Variants in CNTNAP5 observed in about 807,000 individuals in gnomAD.
The protein encoded by CNTNAP5 is contactin-associated protein-like 5.
Under a neutral mutation model 150.2 loss-of-function variants are expected in CNTNAP5, and 72 were observed. That is an observed-to-expected ratio of 0.48 (90% confidence interval 0.40 to 0.58). The LOEUF (loss-of-function observed/expected upper bound fraction) is 0.58. Ranked by LOEUF, CNTNAP5 falls within the 20% of genes least tolerant of loss-of-function variation. CNTNAP5 has a pLI of 0.00. For missense variants in CNTNAP5, 1,636 were observed against 1,626.2 expected (o/e 1.01, Z -0.10); for synonymous variants, 672 against 619.8 (o/e 1.08, Z -1.25).
At chr2:124,566,761 A>T (rs2104934509) in intron 11 of CNTNAP5, among the ~76,000 whole-genome samples, 1 of 152,280 alleles carries the variant, frequency 6.6e-6, no homozygotes, top group Middle Eastern at 3.4e-3. Flanking sequence ...TTGAATGAGG[A>T]CCATTGTTTT....
chr2:124,124,935 A>G (rs1683650933), intron 1 of CNTNAP5, among the ~76,000 whole-genome samples: 2 of 152,234 alleles, frequency 1.3e-5, no homozygotes, highest in East Asian at 3.8e-4. Context: ...GAAAGGAACA[A>G]CCAGTATGAG....
intron 19 of CNTNAP5, among the ~76,000 whole-genome samples, chr2:124,808,994 A>G (rs73955834): frequency 0.044 from 6,680 of 150,798 alleles, 462 homozygotes; most frequent in African/African-American, 0.15. Flanking sequence ...TTTTTTCTCT[A>G]TACTGGAGAT....
chr2:124,442,227 G>A lies in CNTNAP5; in HGVS notation c.734-4526G>A, dbSNP rs73952971. On this transcript the variant is annotated intron_variant, in intron 5 of 23. Coordinates refer to ENST00000682447, the MANE Select transcript of CNTNAP5 (RefSeq NM_001367498.1). ...GTTACTGATGCTAGCTCTGCTTCCC[G>A]CAGTGGAGATGTTCCTGCCCATTGA... Among the ~76,000 whole-genome samples the A allele has an allele frequency of 2.7e-3, 404 of 152,186 alleles. 4 individuals are homozygous for A. The highest frequency in any genetic ancestry group is 9.0e-3 in the African/African-American group (375 of 41,556).
chr2:124,825,555 G>C (rs1297023912), intron 19 of CNTNAP5, among the ~76,000 whole-genome samples: 1 of 152,164 alleles, frequency 6.6e-6, no homozygotes, highest in Non-Finnish European at 1.5e-5. Flanking sequence ...AGAATCTTCA[G>C]GGTGAGAAAT....
At chr2:124,156,516 TAC>T (rs1431099664) in intron 1 of CNTNAP5, among the ~76,000 whole-genome samples, 3 of 152,166 alleles carry the variant, frequency 2.0e-5, no homozygotes, top group African/African-American at 4.8e-5. Flanking sequence ...TTTTTTTTGA[TAC>T]AGAGTCTCTC....
chr2:124,277,193 T>C (rs1486299450), intron 3 of CNTNAP5, among the ~76,000 whole-genome samples: 1 of 152,184 alleles, frequency 6.6e-6, no homozygotes, highest in Non-Finnish European at 1.5e-5. Context: ...TACTTTGACC[T>C]GGGGTTTGTT....
chr2:124,791,850 C>G (rs944425498), intron 18 of CNTNAP5, among the ~76,000 whole-genome samples: 5 of 152,046 alleles, frequency 3.3e-5, no homozygotes, highest in African/African-American at 9.7e-5. Flanking sequence ...CAAGTGTGTG[C>G]CTAGCCTTTT....
At chr2:124,490,534 A>G (rs917569174) in intron 7 of CNTNAP5, among the ~76,000 whole-genome samples, 1 of 152,170 alleles carries the variant, frequency 6.6e-6, no homozygotes, top group South Asian at 2.1e-4. Flanking sequence ...TCAGTATATA[A>G]GAGTTCTTAT....
At chr2:124,665,300 T>C (rs559470694) in intron 13 of CNTNAP5, among the ~76,000 whole-genome samples, 13 of 152,320 alleles carry the variant, frequency 8.5e-5, no homozygotes, top group African/African-American at 3.1e-4. Context: ...TTTGTAACTC[T>C]ATTTATAGAT....
At chr2:124,445,256 A>T (rs1217256081) in intron 5 of CNTNAP5, among the ~76,000 whole-genome samples, 2 of 146,390 alleles carry the variant, frequency 1.4e-5, no homozygotes, top group African/African-American at 2.5e-5. Context: ...TGCCTGGCTA[A>T]TTTTTTTTTT....
chr2:124,285,513 G>A (rs1231567294), intron 3 of CNTNAP5, among the ~76,000 whole-genome samples: 1 of 152,048 alleles, frequency 6.6e-6, no homozygotes, highest in African/African-American at 2.4e-5. Flanking sequence ...GAAAACCCTG[G>A]ATGTGGCCTG....
At chr2:124,496,847 C>T (rs1322912956) in intron 7 of CNTNAP5, among the ~76,000 whole-genome samples, 1 of 152,198 alleles carries the variant, frequency 6.6e-6, no homozygotes, top group African/African-American at 2.4e-5. Flanking sequence ...CATGCATCCC[C>T]TTTCTCTGGC....
intron 19 of CNTNAP5, among the ~76,000 whole-genome samples, chr2:124,850,364 AGAGACACAGAGACAAATAG>A (rs1405112855): frequency 6.6e-6 from 1 of 152,210 alleles, no homozygotes; most frequent in Admixed American, 6.5e-5. Flanking sequence ...ATGTGGATAG[AGAGACACAGAGACAAATAG>A]GGACACACAG....
Position 124,362,065 on chromosome 2 carries a change from C to T in CNTNAP5, c.382-55378C>T, listed in dbSNP as rs1690221573. ...GCGCAATATTCGGGTGGGAGTGACC[C>T]GATTTTCCCGGTGCTGTCCGTCACC... On this transcript the variant is annotated intron_variant, in intron 3 of 23. Coordinates refer to ENST00000682447, the MANE Select transcript of CNTNAP5 (RefSeq NM_001367498.1). 2.0e-5 allele frequency among the ~76,000 whole-genome samples: 3 copies of T among 152,310 alleles called. No homozygotes were observed. In the South Asian group the frequency reaches 6.2e-4, roughly 32 times the overall value.
At chr2:124,901,293 T>C (rs1678408725) in intron 21 of CNTNAP5, among the ~76,000 whole-genome samples, 1 of 151,468 alleles carries the variant, frequency 6.6e-6, no homozygotes, top group Non-Finnish European at 1.5e-5. Context: ...AAAGAGGAAG[T>C]AAAGTTGCAA....
At position 124,755,827 on chromosome 2, in the gene CNTNAP5, A is replaced by G. The variant is rs141601234; in HGVS notation, c.2235-7845A>G. 8.3e-4 allele frequency among the ~76,000 whole-genome samples: 126 copies of G among 152,284 alleles called. 2 individuals carry two copies. In the East Asian group the frequency reaches 0.023, roughly 28 times the overall value. The stretch of plus-strand genomic sequence containing the variant: ...CCCAATTGTAGCTATTTTTGCTGGT[A>G]TCATTGTCATTTTCTGGATATAAAA... On this transcript the variant is annotated intron_variant, in intron 14 of 23. Coordinates refer to ENST00000682447, the MANE Select transcript of CNTNAP5 (RefSeq NM_001367498.1).
intron 1 of CNTNAP5, among the ~76,000 whole-genome samples, chr2:124,188,637 T>G (rs1685386900): frequency 7.0e-6 from 1 of 142,942 alleles, no homozygotes; most frequent in Non-Finnish European, 1.5e-5. Flanking sequence ...GAGAATGGCG[T>G]GAACCCAGGA....
chr2:124,532,807 A>G (rs1695140706), intron 10 of CNTNAP5, among the ~76,000 whole-genome samples: 1 of 152,202 alleles, frequency 6.6e-6, no homozygotes, highest in Non-Finnish European at 1.5e-5. Flanking sequence ...GAGTGCGAGA[A>G]AAATGAGAGT....
At chr2:124,866,101 A>G (rs1033370955) in intron 20 of CNTNAP5, among the ~76,000 whole-genome samples, 15 of 151,598 alleles carry the variant, frequency 9.9e-5, no homozygotes, top group African/African-American at 2.9e-4. Flanking sequence ...ATCAATACTA[A>G]AAAATACAAA....
Sources: gnomAD v4.1 joint callset for allele counts (sites outside exome capture counted in the v4.1 genomes callset) on GRCh38, gnomAD v4.1.1 for gene constraint, MANE v1.5 for transcripts, NCBI Gene and HGNC (gene_info 2026-07-23, HGNC 2026-07-21) for gene names.